Variants in TMEM25 observed in about 807,000 individuals in gnomAD.
The protein encoded by TMEM25 is 0610039J01Rik.
In TMEM25, 36 loss-of-function variants were observed where a neutral mutation model predicts 37.0. The ratio of observed to expected loss-of-function variants is 0.97; its 90% CI spans 0.75 to 1.28. TMEM25 has a LOEUF of 1.28. Among genes scored for constraint, TMEM25 ranks in the 50% most tolerant of loss-of-function variants. The pLI, the probability that TMEM25 is intolerant of heterozygous loss-of-function variation, is 0.00. For synonymous variants in TMEM25, 197 were observed against 203.7 expected, an observed-to-expected ratio of 0.97 and a Z score of 0.28; for missense variants, 444 against 477.9, an observed-to-expected ratio of 0.93 and a Z score of 0.66.
chr11:118,546,351 T>C, exon 9 of TMEM25: 1 of 566,014 alleles, frequency 1.8e-6, no homozygotes. Flanking sequence ...ATTAGCCGGG[T>C]GTGGTGTTGA....
chr11:118,536,013 G>A (rs1169875458), downstream of TMEM25, among the ~76,000 whole-genome samples: 1 of 151,856 alleles, frequency 6.6e-6, no homozygotes, highest in Non-Finnish European at 1.5e-5. Flanking sequence ...AAGTAGCTGG[G>A]ACTGTAGACG....
At chr11:118,545,747 T>C (rs1555066920) in intron 8 of TMEM25, 1 of 1,571,064 alleles carries the variant, frequency 6.4e-7, no homozygotes, top group East Asian at 2.2e-5. Context: ...AAGCCTAGAG[T>C]GTCTCTATCC....
At position 118,532,160 on chromosome 11, in the gene TMEM25, G is replaced by C; in HGVS notation, c.81G>C (p.Glu27Asp). The C allele has an allele frequency of 1.3e-6, 2 of 1,567,364 alleles. No homozygotes were observed. Among genetic ancestry groups the C allele is most frequent in the Non-Finnish European group, 1.7e-6 (2 of 1,154,796 alleles). ...CCTGCTGTGTTCCAGGTTGGGGGGA[G>C]TTGGAGCCACAAATAGATGGTCAGA... Reference protein sequence around the residue: ...LPALLSSGWGELEPQIDGQTW... With the variant: ...LPALLSSGWGDLEPQIDGQTW... Residue 27 changes from glutamate to aspartate, a missense_variant, in exon 3 of 9, where the codon GAG (glutamate) becomes GAC (aspartate). Glu to Asp is a conservative substitution (Grantham distance 45). Transcript: ENST00000313236.
chr11:118,534,008 C>G lies in TMEM25; in HGVS notation c.837-21C>G. On this transcript the variant is annotated intron_variant, in intron 6 of 8. Transcript: ENST00000313236. The surrounding 1 kb of genome is among the most constrained non-coding windows in gnomAD (Gnocchi z 4.6). Reference sequence around the variant, plus strand: ...CCTGTGCCGGGACTCATATCCATCCCGAACTTTGTCCTCCCTGTAGTGACT... The same window carrying G: ...CCTGTGCCGGGACTCATATCCATCCGGAACTTTGTCCTCCCTGTAGTGACT... 1 of 1,613,954 alleles carries G rather than the reference C, an allele frequency of 6.2e-7. No homozygotes were observed. The highest frequency in any genetic ancestry group is 8.5e-7 in the Non-Finnish European group (1 of 1,179,896).
At chr11:118,546,116 T>C (rs182210702) in intron 8 of TMEM25, 35 of 718,398 alleles carry the variant, frequency 4.9e-5, no homozygotes, top group Non-Finnish European at 3.6e-5. Context: ...GGTGTCCTTA[T>C]AGGAAGAAGA....
At chr11:118,546,569 G>A (rs1232739669), downstream of TMEM25, 1 of 184,760 alleles carries the variant, frequency 5.4e-6, no homozygotes, top group African/African-American at 2.3e-5. Flanking sequence ...CTAGCCTCCA[G>A]AACTATGAAA....
At position 118,545,361 on chromosome 11, in the gene TMEM25, A is replaced by G. The variant is rs201350732; in HGVS notation, c.1028-758A>G. The stretch of plus-strand genomic sequence containing the variant: ...CAGCAGGCTCAGAACAGTAGAAACT[A>G]TAGTGATCCTCTCTACAGCTTAAGT... On this transcript the variant is annotated intron_variant, in intron 8 of 8. Transcript: ENST00000354284. 3.4e-4 allele frequency: 456 copies of G among 1,335,982 alleles called. 1 individual carries two copies. In the African/African-American group the frequency reaches 6.3e-3, roughly 18 times the overall value. 82.8% of individuals were successfully genotyped at this position (1,335,982 alleles called of 1,614,324 possible).
chr11:118,532,848 G>A, intron 3 of TMEM25, 69 bp from the exon 4 acceptor site: 2 of 1,545,678 alleles, frequency 1.3e-6, no homozygotes, highest in Non-Finnish European at 1.7e-6. Flanking sequence ...TCCCATCTGG[G>A]TTTGGGAAGA....
chr11:118,531,770 C>G lies in TMEM25; in HGVS notation c.-27-5C>G, dbSNP rs1436154484. 3 of 1,537,804 alleles carry G rather than the reference C, an allele frequency of 2.0e-6. No homozygotes were observed. The East Asian group carries it at 7.4e-5, about 38-fold the overall frequency. On this transcript the variant is annotated splice_polypyrimidine_tract_variant and splice_region_variant and intron_variant, in intron 1 of 8. Transcript: ENST00000313236. ...CTGGCTGACAGGCCCGCCCCCTTCT[C>G]TCAGCAGCCTAGGGCCTAGGCCCGG...
chr11:118,544,194 C>G (rs1472267242), intron 8 of TMEM25, among the ~76,000 whole-genome samples: 5 of 152,152 alleles, frequency 3.3e-5, no homozygotes, highest in African/African-American at 1.2e-4. Flanking sequence ...TTTACTGAAT[C>G]TGTCCATCTC....
At chr11:118,538,645 C>A (rs1591349259), downstream of TMEM25, among the ~76,000 whole-genome samples, 1 of 152,044 alleles carries the variant, frequency 6.6e-6, no homozygotes, top group South Asian at 2.1e-4. Flanking sequence ...GTAATCCCAG[C>A]ACTTTGGGAG....
chr11:118,546,226 G>A (rs367704353), exon 9 of TMEM25: 24 of 714,324 alleles, frequency 3.4e-5, no homozygotes, highest in Non-Finnish European at 5.7e-5. Context: ...GTGGGGCGTG[G>A]TGGCTTCACG....
intron 4 of TMEM25, 100 bp downstream of exon 4, chr11:118,533,307 T>C (rs1555060740): frequency 6.4e-7 from 1 of 1,570,522 alleles, no homozygotes; most frequent in Non-Finnish European, 8.6e-7. Flanking sequence ...TGGTTGGGTC[T>C]TGTGGATGAA....
chr11:118,536,271 G>A (rs916127483), downstream of TMEM25, among the ~76,000 whole-genome samples: 4 of 151,226 alleles, frequency 2.6e-5, no homozygotes, highest in Admixed American at 1.3e-4. Flanking sequence ...TCGGCTCACC[G>A]CAACCTCTGC....
In TMEM25 at chr11:118,535,187, C is replaced by T. The variant is rs1490423365; in HGVS notation, c.*607C>T. 7.5e-6 allele frequency: 8 copies of T among 1,072,366 alleles called. No homozygotes were observed. The highest frequency in any genetic ancestry group is 6.6e-5 in the African/African-American group (4 of 60,412). 66.4% of individuals were successfully genotyped at this position (1,072,366 alleles called of 1,614,324 possible). ...CTGCCCTTCACTTCTTCTCTTCTGT[C>T]CCCACCTCCTCTTGGGAATTCTAGG... On this transcript the variant is annotated 3_prime_UTR_variant, in exon 9 of 9. Coordinates refer to ENST00000313236, the MANE Select transcript of TMEM25 (RefSeq NM_032780.4).
chr11:118,543,016 C>A (rs1044576381), intron 8 of TMEM25, among the ~76,000 whole-genome samples: 8 of 152,012 alleles, frequency 5.3e-5, no homozygotes, highest in Non-Finnish European at 4.4e-5. Context: ...CTGAGGCAGT[C>A]GGATCATGAG....
Position 118,534,078 on chromosome 11 carries a change from A to G in TMEM25, c.886A>G (p.Met296Val). 2 of 1,614,084 alleles carry G rather than the reference A, an allele frequency of 1.2e-6. No homozygotes were observed. The highest frequency in any genetic ancestry group is 1.7e-6 in the Non-Finnish European group (2 of 1,180,024). ...LNNVRLPREN[M>V]SLPSNLQLND... ...CAACGTGCGCCTGCCACGGGAGAACATGTCCCTCCCGTCCAACCTTCAGCT... is the reference window on the plus strand; with the variant it reads ...CAACGTGCGCCTGCCACGGGAGAACGTGTCCCTCCCGTCCAACCTTCAGCT... Residue 296 changes from methionine to valine, a missense_variant, in exon 7 of 9, where the codon ATG becomes GTG. Transcript: ENST00000313236. The surrounding 1 kb of genome is among the most constrained non-coding windows in gnomAD (Gnocchi z 4.6).
Position 118,535,509 on chromosome 11 carries a change from A to G in TMEM25, c.*929A>G, listed in dbSNP as rs782479056. 2.6e-6 allele frequency: 4 copies of G among 1,531,468 alleles called. No homozygotes were observed. The highest frequency in any genetic ancestry group is 1.7e-4 in the Middle Eastern group (1 of 5,972). The allele number at this position is 1,531,468 out of a possible 1,614,324, so 94.9% of individuals were successfully genotyped here. A position where few individuals can be genotyped will look rare whatever the true frequency, so the allele number is the denominator to read the frequency against. Reference sequence around the variant, plus strand: ...CGGGGTTGATGGTTTTTCTCTCAGCATGTCTCCTCCACCACGGGACCCCAG... The same window carrying G: ...CGGGGTTGATGGTTTTTCTCTCAGCGTGTCTCCTCCACCACGGGACCCCAG... On this transcript the variant is annotated 3_prime_UTR_variant, in exon 9 of 9. Coordinates refer to ENST00000313236, the MANE Select transcript of TMEM25 (RefSeq NM_032780.4).
At chr11:118,533,778 G>GA in intron 5 of TMEM25, 79 bp from the exon 6 acceptor site, 6 of 1,608,926 alleles carry the variant, frequency 3.7e-6, no homozygotes, top group Non-Finnish European at 5.1e-6. Context: ...TTGCCTGAGG[G>GA]TCCTGGGTCT....
Sources: gnomAD v4.1 joint callset for allele counts (sites outside exome capture counted in the v4.1 genomes callset) on GRCh38, gnomAD v4.1.1 for gene constraint, Gnocchi (gnomAD v3.1) non-coding constraint, MANE v1.5 for transcripts, NCBI Gene and HGNC (gene_info 2026-07-23, HGNC 2026-07-21) for gene names.